The following VTI1A variants were observed in gnomAD, a reference collection of about 807,000 sequenced individuals.
VTI1A encodes vesicle transport through interaction with t-SNAREs homolog 1A.
In VTI1A, 22 loss-of-function variants were observed where a neutral mutation model predicts 34.9. The observed-to-expected ratio is 0.63, with a 90% CI of 0.45 to 0.90. The LOEUF (loss-of-function observed/expected upper bound fraction) is 0.90. VTI1A is among the 40% of genes least tolerant of loss of function. The probability of loss-of-function intolerance (pLI) is 0.00; values close to 1 mark genes in which losing one functional copy is unlikely to be tolerated. For missense variants in VTI1A, 268 were observed against 275.6 expected (o/e 0.97, Z 0.20); for synonymous variants, 87 against 97.3 (o/e 0.89, Z 0.62).
At chr10:112,499,185 T>C (rs1000278916) in intron 3 of VTI1A, among the ~76,000 whole-genome samples, 1 of 152,196 alleles carries the variant, frequency 6.6e-6, no homozygotes, top group Admixed American at 6.5e-5. Context: ...AATACTATGA[T>C]AGATATCATA....
chr10:112,758,798 C>G (rs773897152), intron 7 of VTI1A, among the ~76,000 whole-genome samples: 1 of 152,240 alleles, frequency 6.6e-6, no homozygotes, highest in Non-Finnish European at 1.5e-5. Flanking sequence ...ATGCCCCATT[C>G]TCAATGCATG....
intron 5 of VTI1A, among the ~76,000 whole-genome samples, chr10:112,662,922 T>A (rs1847512160): frequency 9.4e-6 from 1 of 106,078 alleles, no homozygotes; most frequent in Non-Finnish European, 2.1e-5. Flanking sequence ...TGCTTCTTCT[T>A]ACAAACAAAC....
intron 5 of VTI1A, among the ~76,000 whole-genome samples, chr10:112,643,602 G>A (rs1317961028): frequency 1.3e-5 from 2 of 151,818 alleles, no homozygotes; most frequent in African/African-American, 4.8e-5. Context: ...TGCTATTTCT[G>A]TTCTCAATAC....
chr10:112,683,368 G>C (rs1848285918), intron 7 of VTI1A, among the ~76,000 whole-genome samples: 1 of 152,196 alleles, frequency 6.6e-6, no homozygotes, highest in Non-Finnish European at 1.5e-5. Flanking sequence ...GTGAACCTGA[G>C]TGGTCTTTGG....
intron 7 of VTI1A, among the ~76,000 whole-genome samples, chr10:112,724,198 T>C (rs1849921766): frequency 1.3e-5 from 2 of 152,158 alleles, no homozygotes. Flanking sequence ...AGTATGGTGT[T>C]ATTGCCTTTA....
At chr10:112,616,622 T>C (rs1356419186) in intron 5 of VTI1A, among the ~76,000 whole-genome samples, 1 of 152,158 alleles carries the variant, frequency 6.6e-6, no homozygotes, top group Non-Finnish European at 1.5e-5. Flanking sequence ...TTCACAAGGT[T>C]TTCAGATTCT....
intron 3 of VTI1A, among the ~76,000 whole-genome samples, chr10:112,520,643 G>GTA (rs1419322104): frequency 6.4e-5 from 7 of 110,072 alleles, no homozygotes; most frequent in African/African-American, 2.2e-4. Context: ...GTGTGTGTGT[G>GTA]TGTGTATATA....
At chr10:112,756,884 A>G (rs1402666929) in intron 7 of VTI1A, among the ~76,000 whole-genome samples, 4 of 151,962 alleles carry the variant, frequency 2.6e-5, no homozygotes, top group African/African-American at 4.8e-5. Flanking sequence ...CTGTCTCTAC[A>G]AAAAGTACAA....
chr10:112,745,225 A>C (rs1298473465), intron 7 of VTI1A, among the ~76,000 whole-genome samples: 1 of 151,992 alleles, frequency 6.6e-6, no homozygotes, highest in East Asian at 1.9e-4. Flanking sequence ...ATGGTTGATC[A>C]AAACTTGTTT....
At chr10:112,699,486 A>G (rs937786090) in intron 7 of VTI1A, among the ~76,000 whole-genome samples, 2 of 152,242 alleles carry the variant, frequency 1.3e-5, no homozygotes, top group African/African-American at 4.8e-5. Flanking sequence ...AATTTAAACT[A>G]TGGTTTATAG....
chr10:112,670,648 A>G (rs1177463975), intron 7 of VTI1A, among the ~76,000 whole-genome samples: 1 of 152,152 alleles, frequency 6.6e-6, no homozygotes, highest in African/African-American at 2.4e-5. Flanking sequence ...AGCACAAACA[A>G]CTTCTGCAAC....
At chr10:112,723,937 A>C (rs1189603309) in intron 7 of VTI1A, among the ~76,000 whole-genome samples, 5 of 152,208 alleles carry the variant, frequency 3.3e-5, no homozygotes, top group Non-Finnish European at 7.4e-5. Context: ...AATTGTGGAC[A>C]CTGGTGGAAT....
intron 7 of VTI1A, among the ~76,000 whole-genome samples, chr10:112,710,408 T>A (rs918413910): frequency 2.0e-5 from 3 of 152,014 alleles, no homozygotes; most frequent in African/African-American, 7.2e-5. Context: ...GGTTTTGCCA[T>A]GTTGGTCAGG....
intron 7 of VTI1A, among the ~76,000 whole-genome samples, chr10:112,753,552 A>G (rs540455722): frequency 6.6e-6 from 1 of 152,210 alleles, no homozygotes; most frequent in African/African-American, 2.4e-5. Context: ...GGCGTGCGCT[A>G]TTTGCAAAGA....
chr10:112,628,144 A>G (rs1845993419), intron 5 of VTI1A, among the ~76,000 whole-genome samples: 1 of 152,230 alleles, frequency 6.6e-6, no homozygotes, highest in South Asian at 2.1e-4. Context: ...CAAGGTCTGT[A>G]TAGATAGATC....
intron 5 of VTI1A, among the ~76,000 whole-genome samples, chr10:112,564,039 A>G (rs1174485474): frequency 6.6e-6 from 1 of 152,234 alleles, no homozygotes; most frequent in Non-Finnish European, 1.5e-5. Context: ...TAAAATATCT[A>G]CTAAAATGTT....
chr10:112,661,764 G>GTTTTTTT (rs34974968), intron 5 of VTI1A, among the ~76,000 whole-genome samples: 1 of 105,960 alleles, frequency 9.4e-6, no homozygotes, highest in Non-Finnish European at 1.8e-5. Context: ...CTGCTGTTAA[G>GTTTTTTT]TTTTTTTTTT....
At chr10:112,819,445 G>A (rs1853610236), downstream of VTI1A, among the ~76,000 whole-genome samples, 1 of 152,138 alleles carries the variant, frequency 6.6e-6, no homozygotes, top group Non-Finnish European at 1.5e-5. Context: ...CTTTGGCTGG[G>A]TGTGTTGTTG....
intron 3 of VTI1A, among the ~76,000 whole-genome samples, chr10:112,502,083 A>C (rs1849263687): frequency 7.1e-6 from 1 of 141,730 alleles, no homozygotes; most frequent in African/African-American, 2.7e-5. Flanking sequence ...GCTCTAGTGC[A>C]GTGGCATGGT....
Sources: gnomAD v4.1 joint callset for allele counts (sites outside exome capture counted in the v4.1 genomes callset) on GRCh38, gnomAD v4.1.1 for gene constraint, MANE v1.5 for transcripts, NCBI Gene and HGNC (gene_info 2026-07-23, HGNC 2026-07-21) for gene names.